CNTN1: variants seen among roughly 807,000 people sequenced by gnomAD.
CNTN1 encodes the protein contactin 1, also known as contactin-1.
A neutral mutation model predicts 126.4 loss-of-function variants in CNTN1; 38 were observed. The ratio of observed to expected loss-of-function variants is 0.30; its 90% confidence interval spans 0.23 to 0.39. The LOEUF is 0.39. Among genes scored for constraint, CNTN1 ranks in the 10% least tolerant of loss-of-function variants. The probability of loss-of-function intolerance (pLI) is 1.00; values close to 1 mark genes in which losing one functional copy is unlikely to be tolerated. For missense variants in CNTN1, 1,009 were observed against 1,248.4 expected (o/e 0.81, Z 2.89); for synonymous variants, 413 against 422.6 (o/e 0.98, Z 0.28).
At chr12:41,028,490 A>T (rs1949080292) in intron 22 of CNTN1, among the ~76,000 whole-genome samples, 1 of 152,236 alleles carries the variant, frequency 6.6e-6, no homozygotes, top group Non-Finnish European at 1.5e-5. Flanking sequence ...GATAAAATAG[A>T]ATAATCAGAG....
intron 1 of CNTN1, among the ~76,000 whole-genome samples, chr12:40,695,081 A>G (rs1941417897): frequency 6.6e-6 from 1 of 152,172 alleles, no homozygotes. Flanking sequence ...TTTGTTGCTT[A>G]ATCCTCATTT....
intron 19 of CNTN1, 76 bp downstream of exon 19, chr12:41,016,992 C>T: frequency 8.1e-7 from 1 of 1,227,060 alleles, no homozygotes; most frequent in Non-Finnish European, 1.2e-6. Flanking sequence ...AGTTTGTTTC[C>T]TTTCAGGCCT....
At chr12:40,945,302 C>A (rs1946394518) in intron 14 of CNTN1, among the ~76,000 whole-genome samples, 1 of 151,844 alleles carries the variant, frequency 6.6e-6, no homozygotes, top group Non-Finnish European at 1.5e-5. Flanking sequence ...CAAATTGGCA[C>A]CAAAATCTCC....
intron 1 of CNTN1, among the ~76,000 whole-genome samples, chr12:40,867,135 G>GTA (rs1167019736): frequency 6.6e-6 from 1 of 152,124 alleles, no homozygotes; most frequent in African/African-American, 2.4e-5. Context: ...CACATTTAAT[G>GTA]TACCTTGTTG....
intron 16 of CNTN1, among the ~76,000 whole-genome samples, chr12:40,991,753 A>G (rs954521630): frequency 2.6e-5 from 4 of 152,190 alleles, no homozygotes; most frequent in Non-Finnish European, 4.4e-5. Context: ...GCGTGAACCC[A>G]GGAGGCAGAG....
rs562031043 is a variant in CNTN1 at position 40,713,457 on chromosome 12, T to C, written c.-77+20865T>C. Reference sequence around the variant, plus strand: ...TATATTATACTAAATAAAGTATATATATATATATTTAAATGCAGAATAAAC... The same window carrying C: ...TATATTATACTAAATAAAGTATATACATATATATTTAAATGCAGAATAAAC... On this transcript the variant is annotated intron_variant, in intron 1 of 23. Transcript: ENST00000551295. 1.5e-3 allele frequency among the ~76,000 whole-genome samples: 224 copies of C among 150,902 alleles called. 1 individual carries two copies. Among genetic ancestry groups the C allele is most frequent in the African/African-American group, 5.3e-3 (218 of 41,334 alleles).
intron 1 of CNTN1, among the ~76,000 whole-genome samples, chr12:40,693,404 G>C (rs1363244488): frequency 2.0e-5 from 3 of 152,216 alleles, no homozygotes; most frequent in African/African-American, 7.2e-5. Flanking sequence ...CTGCGAGGCT[G>C]CCTCCCTAGG....
intron 14 of CNTN1, among the ~76,000 whole-genome samples, chr12:40,958,528 A>G (rs913794743): frequency 1.3e-5 from 2 of 152,054 alleles, no homozygotes; most frequent in Non-Finnish European, 2.9e-5. Flanking sequence ...ATATGTGTTG[A>G]ACACTCTTGG....
At chr12:40,717,197 C>G (rs1942072807) in intron 1 of CNTN1, among the ~76,000 whole-genome samples, 1 of 152,068 alleles carries the variant, frequency 6.6e-6, no homozygotes. Flanking sequence ...AAAAAGTTGA[C>G]TAAAATTACT....
intron 3 of CNTN1, among the ~76,000 whole-genome samples, chr12:40,911,175 GA>G (rs371648969): frequency 0.066 from 9,970 of 152,150 alleles, 531 homozygotes; most frequent in Admixed American, 0.16. Flanking sequence ...CCACCTCCGG[GA>G]TTCACGCCAT....
At chr12:40,816,658 A>C (rs1049536567) in intron 1 of CNTN1, among the ~76,000 whole-genome samples, 3 of 148,690 alleles carry the variant, frequency 2.0e-5, no homozygotes, top group African/African-American at 7.5e-5. Flanking sequence ...TTCTTCTCTG[A>C]TCTTATTTAT....
intron 2 of CNTN1, among the ~76,000 whole-genome samples, chr12:40,909,510 T>C (rs1481376107): frequency 6.6e-6 from 1 of 151,924 alleles, no homozygotes; most frequent in Non-Finnish European, 1.5e-5. Flanking sequence ...TCCTTTTGTA[T>C]ATAAATCCCC....
intron 14 of CNTN1, among the ~76,000 whole-genome samples, chr12:40,946,044 A>G (rs553099987): frequency 1.6e-4 from 24 of 152,278 alleles, no homozygotes; most frequent in African/African-American, 5.5e-4. Flanking sequence ...ATAGATGGAC[A>G]GATGCATTCA....
chr12:40,742,978 C>T (rs975051082), intron 1 of CNTN1, among the ~76,000 whole-genome samples: 8 of 152,008 alleles, frequency 5.3e-5, no homozygotes, highest in African/African-American at 1.9e-4. Flanking sequence ...TGTTACCTTA[C>T]AGTAGGTAAT....
intron 16 of CNTN1, among the ~76,000 whole-genome samples, chr12:40,987,346 T>G (rs1947980114): frequency 6.6e-6 from 1 of 152,204 alleles, no homozygotes; most frequent in African/African-American, 2.4e-5. Flanking sequence ...TTTAAGGCAA[T>G]CTATTGTAAA....
intron 15 of CNTN1, among the ~76,000 whole-genome samples, chr12:40,963,630 G>A (rs1947188488): frequency 6.6e-6 from 1 of 151,754 alleles, no homozygotes; most frequent in South Asian, 2.1e-4. Flanking sequence ...GCCTTATATT[G>A]CCTTAGCTTT....
At position 40,821,816 on chromosome 12, in the gene CNTN1, T is replaced by C. The variant is rs76244983; in HGVS notation, c.-76-86541T>C. Among the ~76,000 whole-genome samples the C allele has an allele frequency of 1.4e-4, 22 of 152,186 alleles. No homozygotes were observed. In the East Asian group the frequency reaches 4.2e-3, roughly 29 times the overall value. ...AGAATTGGATGACATTAGAAGTATT[T>C]TTTTTCTCCTGGTTACCATCTTAAA... On this transcript the variant is annotated intron_variant, in intron 1 of 23. Coordinates refer to ENST00000551295, the MANE Select transcript of CNTN1 (RefSeq NM_001843.4).
intron 11 of CNTN1, among the ~76,000 whole-genome samples, 179 bp from the exon 12 acceptor site, chr12:40,939,156 T>G (rs1224523911): frequency 1.3e-5 from 2 of 152,156 alleles, no homozygotes; most frequent in Non-Finnish European, 2.9e-5. Flanking sequence ...AAGTCAAAGT[T>G]ATTAAATAAA....
chr12:40,899,956 A>G (rs2136765328), intron 1 of CNTN1, among the ~76,000 whole-genome samples: 1 of 152,296 alleles, frequency 6.6e-6, no homozygotes, highest in Non-Finnish European at 1.5e-5. Context: ...TTAAGTAATA[A>G]ACGATAAGGG....
Sources: allele counts gnomAD v4.1 joint callset (sites outside exome capture counted in the v4.1 genomes callset), GRCh38; gene constraint gnomAD v4.1.1; transcripts MANE v1.5; gene names NCBI Gene and HGNC (gene_info 2026-07-23, HGNC 2026-07-21).